Variants in ZNF385B observed in about 807,000 individuals in gnomAD.
The protein encoded by ZNF385B is zinc finger protein 385B.
A neutral mutation model predicts 39.2 loss-of-function variants in ZNF385B; 23 were observed. The ratio of observed to expected loss-of-function variants is 0.59; its 90% CI spans 0.42 to 0.83. ZNF385B has a LOEUF of 0.83. ZNF385B is among the 40% of genes least tolerant of loss of function. The probability of loss-of-function intolerance (pLI) is 0.00; values close to 1 mark genes in which losing one functional copy is unlikely to be tolerated. For synonymous variants in ZNF385B, 205 were observed against 222.6 expected (o/e 0.92, Z 0.70); for missense variants, 552 against 598.9 (o/e 0.92, Z 0.82).
At chr2:179,636,825 G>T (rs544610905) in intron 3 of ZNF385B, among the ~76,000 whole-genome samples, 1 of 152,054 alleles carries the variant, frequency 6.6e-6, no homozygotes. Flanking sequence ...ACACACAGAA[G>T]CCAAGCACAT....
At chr2:179,545,075 G>A (rs1247733622) in intron 3 of ZNF385B, 106 bp from the exon 4 acceptor site, 1 of 1,428,034 alleles carries the variant, frequency 7.0e-7, no homozygotes. Flanking sequence ...TTGCAAGCAA[G>A]AGAGTTATGC....
chr2:179,519,704 G>T (rs1190452510), intron 4 of ZNF385B, among the ~76,000 whole-genome samples: 1 of 152,172 alleles, frequency 6.6e-6, no homozygotes, highest in Non-Finnish European at 1.5e-5. Flanking sequence ...CAATGCAGAT[G>T]ATGAGCAAAA....
At chr2:179,687,667 C>G (rs1266180795) in intron 3 of ZNF385B, among the ~76,000 whole-genome samples, 3 of 152,152 alleles carry the variant, frequency 2.0e-5, no homozygotes, top group Non-Finnish European at 4.4e-5. Context: ...GGAGTCAGAT[C>G]TGGAGTAAGA....
intron 4 of ZNF385B, among the ~76,000 whole-genome samples, chr2:179,532,039 A>C (rs1413487754): frequency 1.3e-5 from 2 of 152,164 alleles, no homozygotes; most frequent in South Asian, 2.1e-4. Flanking sequence ...AGAGTGCTTC[A>C]CTCTGCTCTG....
At chr2:179,712,632 C>T (rs991124520) in intron 3 of ZNF385B, among the ~76,000 whole-genome samples, 3 of 152,174 alleles carry the variant, frequency 2.0e-5, no homozygotes, top group South Asian at 2.1e-4. Context: ...GGACAAGAAT[C>T]GCCAGCATCA....
chr2:179,656,101 A>G (rs769047137), intron 3 of ZNF385B, among the ~76,000 whole-genome samples: 3 of 152,154 alleles, frequency 2.0e-5, no homozygotes, highest in Non-Finnish European at 4.4e-5. Flanking sequence ...TTTGTCTTAG[A>G]GGGAGTTCTG....
chr2:179,698,982 TG>T (rs1698970101), intron 3 of ZNF385B, among the ~76,000 whole-genome samples: 3 of 152,174 alleles, frequency 2.0e-5, no homozygotes, highest in African/African-American at 4.8e-5. Context: ...GTTTGACAAA[TG>T]TTTTTTGTTA....
chr2:179,525,129 C>T (rs1176440220), intron 4 of ZNF385B, among the ~76,000 whole-genome samples: 1 of 152,136 alleles, frequency 6.6e-6, no homozygotes, highest in Non-Finnish European at 1.5e-5. Context: ...GGAATCTCCC[C>T]CAACATTGTT....
At chr2:179,787,779 G>A (rs745437360) in intron 1 of ZNF385B, among the ~76,000 whole-genome samples, 1 of 152,148 alleles carries the variant, frequency 6.6e-6, no homozygotes, top group Non-Finnish European at 1.5e-5. Flanking sequence ...CTGAACACAT[G>A]TTCAATCAGT....
intron 3 of ZNF385B, among the ~76,000 whole-genome samples, chr2:179,651,031 C>G (rs926903800): frequency 6.6e-6 from 1 of 152,058 alleles, no homozygotes; most frequent in African/African-American, 2.4e-5. Context: ...TGGTATTACT[C>G]GAAGAAAGGA....
intron 3 of ZNF385B, among the ~76,000 whole-genome samples, chr2:179,729,861 A>G (rs1575366256): frequency 6.6e-6 from 1 of 151,750 alleles, no homozygotes; most frequent in African/African-American, 2.4e-5. Flanking sequence ...TTCTTCACAC[A>G]CTCTCTCTTG....
At chr2:179,707,194 G>T (rs1226904499) in intron 3 of ZNF385B, among the ~76,000 whole-genome samples, 1 of 152,228 alleles carries the variant, frequency 6.6e-6, no homozygotes, top group Non-Finnish European at 1.5e-5. Context: ...CACGCCCGTG[G>T]AATTAGTGGA....
At chr2:179,843,917 T>A (rs1257402625) in intron 1 of ZNF385B, among the ~76,000 whole-genome samples, 1 of 152,252 alleles carries the variant, frequency 6.6e-6, no homozygotes, top group African/African-American at 2.4e-5. Flanking sequence ...TGCAGGAGTC[T>A]GCCTAGAACT....
chr2:179,583,561 T>G (rs1443889798), intron 3 of ZNF385B, among the ~76,000 whole-genome samples: 2 of 152,190 alleles, frequency 1.3e-5, no homozygotes, highest in East Asian at 3.9e-4. Context: ...GGCTCAGTTT[T>G]CAAACTAAGC....
chr2:179,479,862 A>T (rs1180720097), intron 6 of ZNF385B, among the ~76,000 whole-genome samples: 4 of 151,974 alleles, frequency 2.6e-5, no homozygotes, highest in Non-Finnish European at 5.9e-5. Flanking sequence ...AATAAATAAA[A>T]AAGTTCATCT....
chr2:179,562,607 A>C, intron 3 of ZNF385B: 1 of 985,304 alleles, frequency 1.0e-6, no homozygotes, highest in Non-Finnish European at 1.2e-6. Context: ...TCGTGTTTGC[A>C]ACTTGATTCC....
intron 4 of ZNF385B, among the ~76,000 whole-genome samples, chr2:179,532,877 A>C (rs2059338550): frequency 6.6e-6 from 1 of 152,208 alleles, no homozygotes. Flanking sequence ...CTGAGGTTAA[A>C]AGCTGGCCTC....
At chr2:179,801,007 G>A (rs1477408657) in intron 1 of ZNF385B, among the ~76,000 whole-genome samples, 1 of 152,016 alleles carries the variant, frequency 6.6e-6, no homozygotes, top group Non-Finnish European at 1.5e-5. Flanking sequence ...TCACCTCAGG[G>A]TTGGTATGTT....
chr2:179,798,250 T>C (rs2106550440), intron 1 of ZNF385B, among the ~76,000 whole-genome samples: 1 of 152,080 alleles, frequency 6.6e-6, no homozygotes, highest in Admixed American at 6.6e-5. Context: ...CTTCCTTGCT[T>C]CCTATCTCTT....
Sources: gnomAD v4.1 joint callset for allele counts (sites outside exome capture counted in the v4.1 genomes callset) on GRCh38, gnomAD v4.1.1 for gene constraint, MANE v1.5 for transcripts, NCBI Gene and HGNC (gene_info 2026-07-23, HGNC 2026-07-21) for gene names.